The following SRGAP3 variants were observed in gnomAD, a reference collection of about 807,000 sequenced individuals.
The protein encoded by SRGAP3 is SLIT-ROBO Rho GTPase activating protein 3, also known as SLIT-ROBO Rho GTPase-activating protein 3.
In SRGAP3, 39 loss-of-function variants were observed where a neutral mutation model predicts 121.1. The ratio of observed to expected loss-of-function variants is 0.32; its 90% confidence interval spans 0.25 to 0.42. The LOEUF is 0.42. SRGAP3 is among the 10% of genes least tolerant of loss of function. The pLI, the probability that SRGAP3 is intolerant of heterozygous loss-of-function variation, is 1.00. For synonymous variants in SRGAP3, 601 were observed against 570.0 expected (o/e 1.05, Z -0.77); for missense variants, 1,213 against 1,470.6 (o/e 0.82, Z 2.86).
chr3:9,232,325 A>AT (rs1307236333), intron 1 of SRGAP3, among the ~76,000 whole-genome samples: 2 of 152,068 alleles, frequency 1.3e-5, no homozygotes, highest in Non-Finnish European at 2.9e-5. Context: ...ATACATGCTC[A>AT]TTTTTTTCAG....
chr3:9,340,507 T>C (rs1017164174), intron 1 of SRGAP3, among the ~76,000 whole-genome samples: 1 of 152,194 alleles, frequency 6.6e-6, no homozygotes, highest in African/African-American at 2.4e-5. Context: ...ACCCCAGTAA[T>C]TATAATTGTG....
At chr3:9,245,387 C>T (rs1442589119) in intron 1 of SRGAP3, among the ~76,000 whole-genome samples, 1 of 152,152 alleles carries the variant, frequency 6.6e-6, no homozygotes, top group African/African-American at 2.4e-5. Flanking sequence ...GCCAAGCACC[C>T]AATGACACTG....
chr3:9,174,259 G>A (rs959479819), intron 1 of SRGAP3, among the ~76,000 whole-genome samples: 3 of 152,250 alleles, frequency 2.0e-5, no homozygotes, highest in African/African-American at 7.2e-5. Context: ...TCTGGAGACA[G>A]ATGGTGGTGA....
At position 9,355,765 on chromosome 3, in the gene SRGAP3, C is replaced by G. The variant is rs571138196; in HGVS notation, n.214+7075G>C. The G allele has an allele frequency of 4.6e-5, 7 of 152,296 alleles. No homozygotes were observed. In the East Asian group the frequency reaches 1.3e-3, roughly 29 times the overall value. The allele number at this position is 152,296 out of a possible 1,614,324, so 9.4% of individuals were successfully genotyped here. On this transcript the variant is annotated intron_variant and non_coding_transcript_variant, in intron 1 of 3. Transcript: ENST00000490889. ...ATTATCTGTTTCTTCCATTAGAACACAAGTAATTTATAAAGTAAAGACATT... is the reference window on the plus strand; with the variant it reads ...ATTATCTGTTTCTTCCATTAGAACAGAAGTAATTTATAAAGTAAAGACATT...
chr3:9,329,927 A>C (rs7652756), intron 2 of SRGAP3, among the ~76,000 whole-genome samples: 9,396 of 152,276 alleles, frequency 0.062, 347 homozygotes, highest in African/African-American at 0.11. Flanking sequence ...CTTAGCCAAA[A>C]GGGACTTTAC....
intron 4 of SRGAP3, among the ~76,000 whole-genome samples, chr3:9,065,791 T>C (rs7632256): frequency 0.31 from 46,637 of 152,150 alleles, 8,055 homozygotes; most frequent in Middle Eastern, 0.4. Flanking sequence ...ATAAGGCTGC[T>C]ATGAATACTT....
At chr3:9,095,543 G>C (rs1947933056) in intron 3 of SRGAP3, among the ~76,000 whole-genome samples, 1 of 152,252 alleles carries the variant, frequency 6.6e-6, no homozygotes, top group South Asian at 2.1e-4. Context: ...CAAATAATAA[G>C]AAAAGGACAA....
At position 9,157,285 on chromosome 3, in the gene SRGAP3, C is replaced by CT. The variant is rs1950450767; in HGVS notation, c.68-32369dup. Among the ~76,000 whole-genome samples, 3 of 152,228 alleles carry CT rather than the reference C, an allele frequency of 2.0e-5. No homozygotes were observed. In the South Asian group the frequency reaches 6.2e-4, roughly 32 times the overall value. On this transcript the variant is annotated intron_variant, in intron 1 of 21. Coordinates refer to ENST00000383836, the MANE Select transcript of SRGAP3 (RefSeq NM_014850.4). ...AGAGTAAAGGGGGATGTGCTACACT[C>CT]TTCCAAACATCCCAGATCTCATGAG...
intron 1 of SRGAP3, among the ~76,000 whole-genome samples, chr3:9,153,665 A>T (rs1950288367): frequency 6.6e-6 from 1 of 152,238 alleles, no homozygotes; most frequent in South Asian, 2.1e-4. Flanking sequence ...TTTAACACAG[A>T]CATAATCAAA....
At chr3:9,045,021 T>C (rs913964691) in intron 10 of SRGAP3, among the ~76,000 whole-genome samples, 2 of 152,314 alleles carry the variant, frequency 1.3e-5, no homozygotes, top group East Asian at 1.9e-4. Flanking sequence ...CAGTAATTTG[T>C]TAACTTCAGT....
chr3:9,143,254 C>T (rs1318873604), intron 1 of SRGAP3, among the ~76,000 whole-genome samples: 2 of 152,200 alleles, frequency 1.3e-5, no homozygotes, highest in Non-Finnish European at 2.9e-5. Context: ...CTATCCAGAT[C>T]ACAGGGAGAT....
intron 3 of SRGAP3, among the ~76,000 whole-genome samples, chr3:9,280,018 G>A (rs1030645742): frequency 6.6e-6 from 1 of 152,206 alleles, no homozygotes; most frequent in African/African-American, 2.4e-5. Context: ...CTGGCATTTG[G>A]TTGAGTGGAC....
Position 9,254,783 on chromosome 3 carries a change from C to T in SRGAP3, n.442+71227G>A, listed in dbSNP as rs1954091421. On this transcript the variant is annotated intron_variant and non_coding_transcript_variant, in intron 3 of 3. Transcript: ENST00000490889. ...CACCACTGCACTCCAGCCTGGGCAA[C>T]AGAGCAAGGCTCTGAAAAAAAGAAA... Among the ~76,000 whole-genome samples, 3 of 135,994 alleles carry T rather than the reference C, an allele frequency of 2.2e-5. No homozygotes were observed. In the Admixed American group the frequency reaches 2.4e-4, roughly 11 times the overall value. 89.2% of individuals were successfully genotyped at this position (135,994 alleles called of 152,430 possible).
At chr3:9,327,679 T>C (rs899339834) in intron 2 of SRGAP3, among the ~76,000 whole-genome samples, 4 of 152,220 alleles carry the variant, frequency 2.6e-5, no homozygotes, top group Non-Finnish European at 5.9e-5. Context: ...AGGCCTTACC[T>C]AGCTGTAAAG....
chr3:9,150,681 A>G (rs961583235), intron 1 of SRGAP3, among the ~76,000 whole-genome samples: 2 of 152,176 alleles, frequency 1.3e-5, no homozygotes, highest in African/African-American at 4.8e-5. Flanking sequence ...TACTACTAAA[A>G]TCTACAGCCC....
intron 2 of SRGAP3, among the ~76,000 whole-genome samples, chr3:9,123,780 G>A (rs1949114307): frequency 6.9e-6 from 1 of 145,228 alleles, no homozygotes; most frequent in African/African-American, 2.7e-5. Flanking sequence ...GTATGTGTGT[G>A]TATACACAGA....
rs186471168 is a variant in SRGAP3, at chr3:9,110,326, C to G, written c.261-5484G>C. 9.4e-4 allele frequency among the ~76,000 whole-genome samples: 143 copies of G among 152,158 alleles called. 1 individual carries two copies. Among genetic ancestry groups the G allele is most frequent in the African/African-American group, 3.1e-3 (130 of 41,508 alleles). On this transcript the variant is annotated intron_variant, in intron 2 of 21. Coordinates refer to ENST00000383836, the MANE Select transcript of SRGAP3 (RefSeq NM_014850.4). ...GGGAGGGAGGATGATGAGTTCGAGTCGAACACGACGAGTCTAAAAGGCTGT... is the reference window on the plus strand; with the variant it reads ...GGGAGGGAGGATGATGAGTTCGAGTGGAACACGACGAGTCTAAAAGGCTGT...
intron 1 of SRGAP3, among the ~76,000 whole-genome samples, chr3:9,343,537 A>G (rs1392440710): frequency 6.6e-6 from 1 of 152,218 alleles, no homozygotes; most frequent in African/African-American, 2.4e-5. Context: ...TATTGTAGAC[A>G]TTTCAGAAAA....
At position 9,174,969 on chromosome 3, in the gene SRGAP3, G is replaced by C. The variant is rs1179561413; in HGVS notation, c.68-50052C>G. ...AGGGAGGCGTCATTCCGTGGACTGG[G>C]AGGACTGTGTGCAGGAGTGGGGGTG... On this transcript the variant is annotated intron_variant, in intron 1 of 21. Coordinates refer to ENST00000383836, the MANE Select transcript of SRGAP3 (RefSeq NM_014850.4). Among the ~76,000 whole-genome samples the C allele has an allele frequency of 2.6e-5, 4 of 152,236 alleles. No individual in the cohort carries two copies. The East Asian group carries it at 7.7e-4, about 29-fold the overall frequency.
Sources: gnomAD v4.1 joint callset for allele counts (sites outside exome capture counted in the v4.1 genomes callset) on GRCh38, gnomAD v4.1.1 for gene constraint, MANE v1.5 for transcripts, NCBI Gene and HGNC (gene_info 2026-07-23, HGNC 2026-07-21) for gene names.